The following SUCLG2 variants were observed in gnomAD, a reference collection of about 807,000 sequenced individuals.
The protein encoded by SUCLG2 is succinate-CoA ligase GDP-forming subunit beta.
Under a neutral mutation model 47.9 loss-of-function variants are expected in SUCLG2, and 42 were observed. The ratio of observed to expected loss-of-function variants is 0.88; its 90% CI spans 0.69 to 1.14. The LOEUF (loss-of-function observed/expected upper bound fraction) is 1.14, where lower values mean the gene tolerates loss of function less well. Among genes scored for constraint, SUCLG2 ranks in the 50% most tolerant of loss-of-function variants. SUCLG2 has a pLI of 0.00. For synonymous variants in SUCLG2, 195 were observed against 197.3 expected, an observed-to-expected ratio of 0.99 and a Z score of 0.10; for missense variants, 571 against 525.9, an observed-to-expected ratio of 1.09 and a Z score of -0.84.
At chr3:67,482,501 T>A (rs759426344) in intron 9 of SUCLG2, among the ~76,000 whole-genome samples, 2 of 152,226 alleles carry the variant, frequency 1.3e-5, no homozygotes, top group African/African-American at 2.4e-5. Context: ...TCATTCACCC[T>A]TCTTATTTGA....
chr3:67,609,400 C>T (rs1190207886), intron 2 of SUCLG2, 55 bp downstream of exon 2: 10 of 1,574,220 alleles, frequency 6.4e-6, no homozygotes, highest in Non-Finnish European at 8.6e-6. Context: ...GAAGCCACTA[C>T]CTGTGAATTC....
In SUCLG2 at chr3:67,495,806, C is replaced by T. The variant is rs756682438; in HGVS notation, c.1054G>A (p.Asp352Asn). 72 of 1,613,758 alleles carry T rather than the reference C, an allele frequency of 4.5e-5. No individual in the cohort carries two copies. The highest frequency in any genetic ancestry group is 6.0e-5 in the Non-Finnish European group (71 of 1,179,934). The part of the protein sequence containing the change: ...VYQAFKLLTA[D>N]PKVEAILVNI... ...ACAAAGAGAAAGGTTACCTTAGGAT[C>T]AGCTGTGAGCAATTTGAATGCTTGA... Residue 352 changes from aspartate (D) to asparagine (N), a missense_variant, in exon 9 of 11, where the codon GAT becomes AAT. By Grantham distance (23) the Asp-to-Asn change is conservative. Transcript: ENST00000307227.
intron 2 of SUCLG2, among the ~76,000 whole-genome samples, chr3:67,605,707 T>A (rs2363085): frequency 0.49 from 74,653 of 151,866 alleles, 19,385 homozygotes; most frequent in African/African-American, 0.66. Context: ...CACACAACCA[T>A]GCATCATTCT....
Position 67,400,842 on chromosome 3 carries a change from T to A in SUCLG2, c.1072A>T (p.Ile358Phe). 6.2e-7 allele frequency: 1 copy of A among 1,613,034 alleles called. No individual in the cohort carries two copies. Among genetic ancestry groups the A allele is most frequent in the Non-Finnish European group, 8.5e-7 (1 of 1,179,838 alleles). The change falls in exon 10 of 11, where the codon ATC becomes TTC. Residue 358 changes from isoleucine to phenylalanine, a missense_variant. Transcript: ENST00000307227. ...LLTADPKVEA[I>F]LVNIFGGIVN... ...ATACCACCAAATATATTGACAAGGATGGCTTCAACCTGAAATCAAAAATAA... is the reference window on the plus strand; with the variant it reads ...ATACCACCAAATATATTGACAAGGAAGGCTTCAACCTGAAATCAAAAATAA...
At chr3:67,525,490 T>G (rs1241504732) in intron 4 of SUCLG2, among the ~76,000 whole-genome samples, 2 of 152,176 alleles carry the variant, frequency 1.3e-5, no homozygotes, top group Non-Finnish European at 2.9e-5. Flanking sequence ...CCCAGCTGAA[T>G]TTTGACAAAG....
intron 6 of SUCLG2, among the ~76,000 whole-genome samples, chr3:67,511,734 C>T (rs964032781): frequency 2.0e-5 from 3 of 152,120 alleles, no homozygotes; most frequent in Non-Finnish European, 2.9e-5. Flanking sequence ...TGAGTTTAGG[C>T]ATTATTCTAT....
At chr3:67,548,921 A>C (rs968232923) in intron 2 of SUCLG2, among the ~76,000 whole-genome samples, 2 of 152,224 alleles carry the variant, frequency 1.3e-5, no homozygotes, top group Non-Finnish European at 2.9e-5. Context: ...TACCACTTCC[A>C]AATCAGAATA....
At chr3:67,366,419 G>A (rs1246331594) in intron 10 of SUCLG2, among the ~76,000 whole-genome samples, 1 of 152,194 alleles carries the variant, frequency 6.6e-6, no homozygotes, top group African/African-American at 2.4e-5. Context: ...TCCAGTTCAA[G>A]TGAGTAGTTC....
At chr3:67,505,597 T>C (rs1705614315) in intron 7 of SUCLG2, among the ~76,000 whole-genome samples, 1 of 152,132 alleles carries the variant, frequency 6.6e-6, no homozygotes, top group Admixed American at 6.5e-5. Context: ...TACAAATATA[T>C]GAACAATAAC....
chr3:67,393,989 C>T (rs1438290742), intron 10 of SUCLG2, among the ~76,000 whole-genome samples: 1 of 152,092 alleles, frequency 6.6e-6, no homozygotes, highest in East Asian at 1.9e-4. Flanking sequence ...AACTAACAAA[C>T]AGAAAGGACA....
intron 2 of SUCLG2, among the ~76,000 whole-genome samples, chr3:67,536,695 C>T (rs1252604452): frequency 6.6e-6 from 1 of 152,212 alleles, no homozygotes; most frequent in Non-Finnish European, 1.5e-5. Context: ...AAATCAAACT[C>T]CCTCTCACAG....
At chr3:67,420,045 C>A (rs1429456609) in intron 9 of SUCLG2, among the ~76,000 whole-genome samples, 1 of 152,180 alleles carries the variant, frequency 6.6e-6, no homozygotes. Flanking sequence ...TGGGCAGCAG[C>A]ACCCAGTTGG....
intron 2 of SUCLG2, among the ~76,000 whole-genome samples, chr3:67,565,659 A>C (rs1440270600): frequency 6.6e-6 from 1 of 152,128 alleles, no homozygotes; most frequent in Non-Finnish European, 1.5e-5. Flanking sequence ...CCAAATTTCC[A>C]CTGTGATGTT....
chr3:67,502,429 G>A (rs996228122), intron 7 of SUCLG2, among the ~76,000 whole-genome samples: 1 of 152,128 alleles, frequency 6.6e-6, no homozygotes, highest in Non-Finnish European at 1.5e-5. Flanking sequence ...ACAACTCCTG[G>A]CACTTCCTAG....
chr3:67,594,753 A>C (rs1437386876), intron 2 of SUCLG2, among the ~76,000 whole-genome samples: 3 of 152,214 alleles, frequency 2.0e-5, no homozygotes, highest in Non-Finnish European at 4.4e-5. Flanking sequence ...GATGGGTAAA[A>C]GATTTTTATT....
At chr3:67,654,345 C>T (rs1044926167) in intron 1 of SUCLG2, among the ~76,000 whole-genome samples, 158 bp downstream of exon 1, 2 of 152,190 alleles carry the variant, frequency 1.3e-5, no homozygotes, top group African/African-American at 4.8e-5. Context: ...GCGGGGTTCC[C>T]TGCTGCGCCT....
chr3:67,543,922 G>A (rs1038745722), intron 2 of SUCLG2, among the ~76,000 whole-genome samples: 4 of 152,140 alleles, frequency 2.6e-5, no homozygotes, highest in Non-Finnish European at 5.9e-5. Context: ...GGGTCGGGGT[G>A]TTTATATTTG....
intron 2 of SUCLG2, among the ~76,000 whole-genome samples, chr3:67,581,638 A>T (rs577991164): frequency 4.4e-4 from 67 of 152,332 alleles, no homozygotes; most frequent in African/African-American, 1.6e-3. Context: ...AGGGAGACAG[A>T]TGAAAAGAAA....
At chr3:67,577,755 T>A (rs1159344275) in intron 2 of SUCLG2, among the ~76,000 whole-genome samples, 1 of 152,126 alleles carries the variant, frequency 6.6e-6, no homozygotes, top group South Asian at 2.1e-4. Flanking sequence ...CAGAAAGTGG[T>A]ATGCAGCCAG....
Sources: allele counts gnomAD v4.1 joint callset (sites outside exome capture counted in the v4.1 genomes callset), GRCh38; gene constraint gnomAD v4.1.1; transcripts MANE v1.5; gene names NCBI Gene and HGNC (gene_info 2026-07-23, HGNC 2026-07-21).